NXPE2: variants seen among roughly 807,000 people sequenced by gnomAD.
The protein encoded by NXPE2 is neurexophilin and PC-esterase domain family member 2.
A neutral mutation model predicts 34.4 loss-of-function variants in NXPE2; 34 were observed. That is an observed-to-expected ratio of 0.99 (90% CI 0.75 to 1.31). The LOEUF (loss-of-function observed/expected upper bound fraction) is 1.31, where lower values mean the gene tolerates loss of function less well. Ranked by LOEUF, NXPE2 falls within the 40% of genes most tolerant of loss-of-function variation. The probability of loss-of-function intolerance (pLI) is 0.00; values close to 1 mark genes in which losing one functional copy is unlikely to be tolerated. For missense variants in NXPE2, 649 were observed against 672.5 expected (o/e 0.97, Z 0.39); for synonymous variants, 235 against 231.3 (o/e 1.02, Z -0.15).
the NXPE2 span, among the ~76,000 whole-genome samples, chr11:114,542,288 A>G: frequency 6.6e-6 from 1 of 152,174 alleles, no homozygotes; most frequent in Non-Finnish European, 1.5e-5. Context: ...AAGAAGACAA[A>G]CTGACCTTTA....
chr11:114,787,731 AC>A, the NXPE2 span, among the ~76,000 whole-genome samples: 6 of 152,078 alleles, frequency 3.9e-5, no homozygotes, highest in African/African-American at 1.4e-4. Context: ...CTATCTATCC[AC>A]CCCTCTGAAT....
the NXPE2 span, among the ~76,000 whole-genome samples, chr11:114,535,189 T>A: frequency 6.6e-6 from 1 of 152,134 alleles, no homozygotes; most frequent in African/African-American, 2.4e-5. Flanking sequence ...CTAAGCTTCA[T>A]AAGTGAAGGA....
chr11:114,809,392 G>A, the NXPE2 span, among the ~76,000 whole-genome samples: 9 of 151,590 alleles, frequency 5.9e-5, no homozygotes, highest in Non-Finnish European at 8.8e-5. Flanking sequence ...TAGGAAAAGA[G>A]GAAGTCAAAT....
chr11:114,518,894 AAAG>A, the NXPE2 span, among the ~76,000 whole-genome samples: 1 of 138,438 alleles, frequency 7.2e-6, no homozygotes, highest in East Asian at 1.9e-4. Flanking sequence ...TTCATGCTAT[AAAG>A]AAGTATTCCC....
the NXPE2 span, among the ~76,000 whole-genome samples, chr11:114,754,088 G>A: frequency 6.6e-5 from 10 of 152,018 alleles, no homozygotes; most frequent in Admixed American, 6.6e-4. Context: ...TGATGATTAT[G>A]GTACTCAAAC....
chr11:114,777,085 T>C, the NXPE2 span, among the ~76,000 whole-genome samples: 10 of 152,366 alleles, frequency 6.6e-5, no homozygotes, highest in South Asian at 1.4e-3. Flanking sequence ...ACCAACACTT[T>C]GTTTCACAAT....
At chr11:114,778,479 A>G in the NXPE2 span, among the ~76,000 whole-genome samples, 229 of 152,358 alleles carry the variant, frequency 1.5e-3, 8 homozygotes, top group Admixed American at 0.013. Flanking sequence ...GGCAAGAAGG[A>G]AAATGAAAAG....
At chr11:114,671,791 A>G in the NXPE2 span, among the ~76,000 whole-genome samples, 1 of 152,064 alleles carries the variant, frequency 6.6e-6, no homozygotes, top group Non-Finnish European at 1.5e-5. Flanking sequence ...AAGAAATAGC[A>G]AGGAGAATTC....
At chr11:114,504,839 A>G in the NXPE2 span, among the ~76,000 whole-genome samples, 3 of 152,212 alleles carry the variant, frequency 2.0e-5, no homozygotes, top group African/African-American at 7.2e-5. Flanking sequence ...CCTCCAAAGG[A>G]TAGCATCATC....
At chr11:114,733,343 T>G in the NXPE2 span, among the ~76,000 whole-genome samples, 1 of 152,212 alleles carries the variant, frequency 6.6e-6, no homozygotes, top group Non-Finnish European at 1.5e-5. Context: ...TCTGCCCGCC[T>G]TGGCCTCCCA....
chr11:114,740,162 AATTAAAGTTAGGTAT>A, the NXPE2 span, among the ~76,000 whole-genome samples: 1 of 152,210 alleles, frequency 6.6e-6, no homozygotes, highest in African/African-American at 2.4e-5. Context: ...AATAGACTGT[AATTAAAGTTAGGTAT>A]ATGTGGTCTT....
chr11:114,808,178 G>A, the NXPE2 span, among the ~76,000 whole-genome samples: 1 of 152,120 alleles, frequency 6.6e-6, no homozygotes, highest in East Asian at 1.9e-4. Flanking sequence ...AGAATCTCTG[G>A]GACACATTCA....
At chr11:114,686,173 G>T (rs1472643199) in intron 2 of NXPE2, among the ~76,000 whole-genome samples, 1 of 151,922 alleles carries the variant, frequency 6.6e-6, no homozygotes, top group African/African-American at 2.4e-5. Context: ...TCTTATATGG[G>T]TATATTGCAT....
the NXPE2 span, among the ~76,000 whole-genome samples, chr11:114,666,645 T>C: frequency 6.6e-6 from 1 of 152,182 alleles, no homozygotes; most frequent in Non-Finnish European, 1.5e-5. Context: ...CTTAGTACTT[T>C]GGTTTTTTTA....
chr11:114,585,831 T>C, the NXPE2 span, among the ~76,000 whole-genome samples: 5 of 152,208 alleles, frequency 3.3e-5, no homozygotes, highest in South Asian at 1.0e-3. Flanking sequence ...AAAACTTGCA[T>C]GGGTGAATGC....
the NXPE2 span, among the ~76,000 whole-genome samples, chr11:114,557,214 A>G: frequency 6.6e-6 from 1 of 152,130 alleles, no homozygotes; most frequent in Non-Finnish European, 1.5e-5. Context: ...CCTCTTGTGT[A>G]TTAGTCAAAA....
chr11:114,809,002 A>AGT, the NXPE2 span, among the ~76,000 whole-genome samples: 1 of 152,194 alleles, frequency 6.6e-6, no homozygotes, highest in Non-Finnish European at 1.5e-5. Flanking sequence ...ACCATGATCA[A>AGT]GTGGGCTTCA....
the NXPE2 span, among the ~76,000 whole-genome samples, chr11:114,724,428 A>G: frequency 2.0e-5 from 3 of 152,208 alleles, no homozygotes. Context: ...ATAATGAGTA[A>G]TGTAATAGCC....
intron 1 of NXPE2, among the ~76,000 whole-genome samples, chr11:114,679,416 T>C (rs1364157776): frequency 6.6e-6 from 1 of 152,050 alleles, no homozygotes; most frequent in Non-Finnish European, 1.5e-5. Flanking sequence ...GTATGTGATA[T>C]GATTCGAAAC....
Sources: allele counts gnomAD v4.1 joint callset (sites outside exome capture counted in the v4.1 genomes callset), GRCh38; gene constraint gnomAD v4.1.1; transcripts MANE v1.5; gene names NCBI Gene and HGNC (gene_info 2026-07-23, HGNC 2026-07-21).